Variants in RAP1GDS1 observed in about 807,000 individuals in gnomAD.
RAP1GDS1 encodes the protein Rap1 GTPase-GDP dissociation stimulator 1, also known as RAP1, GTP-GDP dissociation stimulator 1.
A neutral mutation model predicts 71.1 loss-of-function variants in RAP1GDS1; 35 were observed. The ratio of observed to expected loss-of-function variants is 0.49; its 90% CI spans 0.38 to 0.65. RAP1GDS1 has a LOEUF of 0.65. Among genes scored for constraint, RAP1GDS1 ranks in the 30% least tolerant of loss-of-function variants. The pLI, the probability that RAP1GDS1 is intolerant of heterozygous loss-of-function variation, is 0.00. For synonymous variants in RAP1GDS1, 229 were observed against 243.1 expected, an observed-to-expected ratio of 0.94 and a Z score of 0.54; for missense variants, 663 against 706.1, an observed-to-expected ratio of 0.94 and a Z score of 0.69.
chr4:98,342,807 A>G (rs2110396319), intron 2 of RAP1GDS1, among the ~76,000 whole-genome samples: 1 of 152,322 alleles, frequency 6.6e-6, no homozygotes, highest in Middle Eastern at 3.4e-3. Flanking sequence ...GATGTAGAAA[A>G]AAAGCATTTA....
intron 1 of RAP1GDS1, among the ~76,000 whole-genome samples, chr4:98,262,688 G>GTTAT (rs1722199587): frequency 6.6e-6 from 1 of 152,346 alleles, no homozygotes; most frequent in Admixed American, 6.5e-5. Context: ...TTCTGTGCGA[G>GTTAT]TTATTTAAAG....
chr4:98,276,161 G>A (rs1014502743), intron 1 of RAP1GDS1, among the ~76,000 whole-genome samples: 2 of 152,046 alleles, frequency 1.3e-5, no homozygotes, highest in African/African-American at 2.4e-5. Context: ...AACCTCACAC[G>A]GTAGAAGGAG....
intron 4 of RAP1GDS1, among the ~76,000 whole-genome samples, chr4:98,355,240 C>T (rs1737787636): frequency 6.6e-6 from 1 of 152,056 alleles, no homozygotes. Context: ...GAATGTAATG[C>T]TTCATTTTTA....
intron 1 of RAP1GDS1, among the ~76,000 whole-genome samples, chr4:98,263,397 A>C (rs992889043): frequency 6.6e-6 from 1 of 152,216 alleles, no homozygotes; most frequent in Non-Finnish European, 1.5e-5. Flanking sequence ...AAAAATACCT[A>C]AAAGAAATTA....
chr4:98,378,940 CTGT>C, intron 4 of RAP1GDS1, 74 bp from the exon 5 acceptor site: 1 of 1,280,612 alleles, frequency 7.8e-7, no homozygotes, highest in Non-Finnish European at 1.1e-6. Context: ...AAGAATAACA[CTGT>C]TATGTTTTGT....
chr4:98,293,724 G>T (rs1727299090), intron 2 of RAP1GDS1, among the ~76,000 whole-genome samples: 1 of 152,002 alleles, frequency 6.6e-6, no homozygotes, highest in Non-Finnish European at 1.5e-5. Flanking sequence ...AAGCTGATAG[G>T]CAAAGAAAGG....
At chr4:98,399,880 TGTG>T (rs1209061037) in intron 6 of RAP1GDS1, among the ~76,000 whole-genome samples, 1 of 152,058 alleles carries the variant, frequency 6.6e-6, no homozygotes, top group Non-Finnish European at 1.5e-5. Flanking sequence ...ATAGGCCAGA[TGTG>T]GTGGCTCACA....
chr4:98,326,277 C>T (rs1486379085), intron 2 of RAP1GDS1, among the ~76,000 whole-genome samples: 1 of 152,152 alleles, frequency 6.6e-6, no homozygotes, highest in Admixed American at 6.6e-5. Flanking sequence ...TCAAAAACCT[C>T]TACCAAAAGT....
At chr4:98,273,683 A>G (rs1049527497) in intron 1 of RAP1GDS1, among the ~76,000 whole-genome samples, 1 of 152,204 alleles carries the variant, frequency 6.6e-6, no homozygotes, top group Admixed American at 6.6e-5. Context: ...AGTACTGCCA[A>G]TTGTATATGA....
chr4:98,428,720 G>A (rs144817469), intron 12 of RAP1GDS1, among the ~76,000 whole-genome samples: 3 of 152,134 alleles, frequency 2.0e-5, no homozygotes, highest in Non-Finnish European at 2.9e-5. Flanking sequence ...AGTGAATAGG[G>A]AATACTTCTA....
chr4:98,381,250 T>C (rs537181761), intron 5 of RAP1GDS1, among the ~76,000 whole-genome samples: 67 of 151,650 alleles, frequency 4.4e-4, no homozygotes, highest in African/African-American at 1.5e-3. Context: ...TTAAAACTTA[T>C]CGAATAAAAA....
chr4:98,318,822 A>G (rs908524117), intron 2 of RAP1GDS1, among the ~76,000 whole-genome samples: 2 of 152,242 alleles, frequency 1.3e-5, no homozygotes. Flanking sequence ...AGATTTCATT[A>G]TGCAACTCAG....
In RAP1GDS1 at chr4:98,436,013, G is replaced by A. The variant is rs188795388; in HGVS notation, c.1568-927G>A. On this transcript the variant is annotated intron_variant, in intron 13 of 14. Transcript: ENST00000408927. ...GTGAACCCAGGAGGCGGAGCTTGCA[G>A]TGAGCCGAGATCGCGCCACTGCACT... 3.8e-3 allele frequency among the ~76,000 whole-genome samples: 575 copies of A among 151,516 alleles called. 6 individuals are homozygous for A. The highest frequency in any genetic ancestry group is 0.013 in the African/African-American group (552 of 41,328).
At chr4:98,286,424 G>A (rs1380276228) in intron 1 of RAP1GDS1, among the ~76,000 whole-genome samples, 1 of 151,892 alleles carries the variant, frequency 6.6e-6, no homozygotes, top group Non-Finnish European at 1.5e-5. Flanking sequence ...AGGTCTTTAG[G>A]CATTGTGTGA....
chr4:98,272,276 A>AT lies in RAP1GDS1; in HGVS notation c.4+10712dup, dbSNP rs561805703. On this transcript the variant is annotated intron_variant, in intron 1 of 14. Coordinates refer to ENST00000408927, the MANE Select transcript of RAP1GDS1 (RefSeq NM_001100427.2). ...AAAATAGGAACATTAAAATCAACAC[A>AT]TTTTTGCCAATGGGAAGTAAGTTTA... Among the ~76,000 whole-genome samples, 548 of 152,250 alleles carry AT rather than the reference A, an allele frequency of 3.6e-3. 3 individuals are homozygous for AT. Among genetic ancestry groups the AT allele is most frequent in the African/African-American group, 0.013 (520 of 41,548 alleles).
At chr4:98,329,198 G>T (rs539531872) in intron 2 of RAP1GDS1, among the ~76,000 whole-genome samples, 1 of 152,076 alleles carries the variant, frequency 6.6e-6, no homozygotes, top group African/African-American at 2.4e-5. Context: ...TTTTGAATTG[G>T]GGGGGCAGTC....
chr4:98,427,486 C>T (rs1210390547), intron 12 of RAP1GDS1, among the ~76,000 whole-genome samples: 2 of 152,084 alleles, frequency 1.3e-5, no homozygotes, highest in African/African-American at 2.4e-5. Flanking sequence ...CTCCAAAAAG[C>T]TCCTAGAACT....
chr4:98,433,316 G>C (rs1750702499), intron 12 of RAP1GDS1, among the ~76,000 whole-genome samples: 1 of 151,368 alleles, frequency 6.6e-6, no homozygotes, highest in Admixed American at 6.6e-5. Flanking sequence ...TTTTTTAAGA[G>C]GCAGGTTCTC....
intron 5 of RAP1GDS1, among the ~76,000 whole-genome samples, chr4:98,385,267 A>G (rs929470284): frequency 5.3e-5 from 8 of 151,940 alleles, no homozygotes; most frequent in African/African-American, 1.7e-4. Flanking sequence ...CTATATTTAA[A>G]AATAAATATT....
Sources: gnomAD v4.1 joint callset for allele counts (sites outside exome capture counted in the v4.1 genomes callset) on GRCh38, gnomAD v4.1.1 for gene constraint, MANE v1.5 for transcripts, NCBI Gene and HGNC (gene_info 2026-07-23, HGNC 2026-07-21) for gene names.